The following CCDC171 variants were observed in gnomAD, a reference collection of about 807,000 sequenced individuals.
The protein encoded by CCDC171 is coiled-coil domain-containing protein 171.
A neutral mutation model predicts 168.2 loss-of-function variants in CCDC171; 177 were observed. The ratio of observed to expected loss-of-function variants is 1.05; its 90% CI spans 0.93 to 1.19. CCDC171 has a LOEUF of 1.19. Ranked by LOEUF, CCDC171 falls within the 50% of genes most tolerant of loss-of-function variation. The pLI, the probability that CCDC171 is intolerant of heterozygous loss-of-function variation, is 0.00. For synonymous variants in CCDC171, 687 were observed against 540.8 expected (o/e 1.27, Z -3.75); for missense variants, 1,991 against 1,539.0 (o/e 1.29, Z -4.91).
At chr9:15,757,079 AAAAGATACCTGAAAATGTGG>A (rs1185361491) in intron 18 of CCDC171, among the ~76,000 whole-genome samples, 17 of 152,224 alleles carry the variant, frequency 1.1e-4, no homozygotes, top group African/African-American at 3.6e-4. Context: ...GGCGTTGCTG[AAAAGATACCTGAAAATGTGG>A]AAAGATACCT....
chr9:15,750,864 G>A (rs1396166777), intron 18 of CCDC171, among the ~76,000 whole-genome samples: 2 of 152,088 alleles, frequency 1.3e-5, no homozygotes, highest in African/African-American at 2.4e-5. Flanking sequence ...TTTGAAAAAC[G>A]GCACAAGACA....
intron 25 of CCDC171, among the ~76,000 whole-genome samples, chr9:15,968,257 A>G (rs889341257): frequency 6.6e-6 from 1 of 152,208 alleles, no homozygotes; most frequent in African/African-American, 2.4e-5. Context: ...TTAGATTTAC[A>G]TAAGAGACAG....
At chr9:15,703,240 A>T (rs2051916624) in intron 11 of CCDC171, among the ~76,000 whole-genome samples, 1 of 152,124 alleles carries the variant, frequency 6.6e-6, no homozygotes, top group Non-Finnish European at 1.5e-5. Flanking sequence ...GGCTTAAGAG[A>T]ATGTTGTGGC....
chr9:15,836,929 T>C (rs2060478261), intron 21 of CCDC171, among the ~76,000 whole-genome samples: 1 of 152,244 alleles, frequency 6.6e-6, no homozygotes, highest in Non-Finnish European at 1.5e-5. Flanking sequence ...ACTTATCTTT[T>C]TCATTATATA....
At chr9:15,647,263 G>C (rs1422127237) in intron 7 of CCDC171, among the ~76,000 whole-genome samples, 7 of 151,860 alleles carry the variant, frequency 4.6e-5, no homozygotes, top group Non-Finnish European at 1.0e-4. Context: ...TGTGTAGAGG[G>C]AAATATATAG....
the CCDC171 span, among the ~76,000 whole-genome samples, chr9:16,088,816 C>T: frequency 6.6e-6 from 1 of 152,150 alleles, no homozygotes; most frequent in Non-Finnish European, 1.5e-5. Context: ...TTGCCATCCT[C>T]ATCAAGCTAC....
chr9:15,825,152 C>G (rs1332104509), intron 21 of CCDC171, among the ~76,000 whole-genome samples: 1 of 152,082 alleles, frequency 6.6e-6, no homozygotes, highest in Non-Finnish European at 1.5e-5. Context: ...TTCTAGTTTA[C>G]ACTATTAGAA....
At chr9:16,010,389 A>G (rs1832836418) in intron 3 of CCDC171, among the ~76,000 whole-genome samples, 2 of 152,164 alleles carry the variant, frequency 1.3e-5, no homozygotes, top group African/African-American at 4.8e-5. Context: ...TTGCAGGGAT[A>G]TACGTGCAGA....
At chr9:15,744,802 A>AT (rs1242978680) in intron 17 of CCDC171, 25 bp downstream of exon 17, 3 of 1,596,872 alleles carry the variant, frequency 1.9e-6, no homozygotes, top group Non-Finnish European at 2.6e-6. Context: ...GCTTTTAAAA[A>AT]TATAAGTTGC....
chr9:15,661,285 A>AG (rs1322995526), intron 8 of CCDC171, among the ~76,000 whole-genome samples: 1 of 87,140 alleles, frequency 1.1e-5, no homozygotes, highest in Non-Finnish European at 2.4e-5. Context: ...GTCTCAAAAA[A>AG]AAAAAAAAAA....
chr9:15,907,410 C>T (rs187469479), intron 24 of CCDC171, among the ~76,000 whole-genome samples: 17 of 152,144 alleles, frequency 1.1e-4, no homozygotes, highest in South Asian at 2.1e-4. Flanking sequence ...AATGGGGAAA[C>T]GATTCCCTAT....
At chr9:15,956,698 T>G (rs1158034954) in intron 25 of CCDC171, among the ~76,000 whole-genome samples, 1 of 152,142 alleles carries the variant, frequency 6.6e-6, no homozygotes, top group African/African-American at 2.4e-5. Context: ...CAAACATATA[T>G]TCAAGTACAA....
At chr9:15,699,701 A>G (rs1277014538) in intron 11 of CCDC171, among the ~76,000 whole-genome samples, 1 of 152,098 alleles carries the variant, frequency 6.6e-6, no homozygotes, top group Non-Finnish European at 1.5e-5. Flanking sequence ...CGGGGTACTG[A>G]TTGGTGTGTT....
At chr9:16,076,395 C>A in the CCDC171 span, among the ~76,000 whole-genome samples, 1 of 152,192 alleles carries the variant, frequency 6.6e-6, no homozygotes, top group Non-Finnish European at 1.5e-5. Context: ...TTTGAGTCCT[C>A]CAGATCCAGT....
chr9:15,646,411 T>C (rs1238969857), intron 7 of CCDC171, among the ~76,000 whole-genome samples: 2 of 152,180 alleles, frequency 1.3e-5, no homozygotes, highest in Admixed American at 6.5e-5. Context: ...ATATTAACTT[T>C]AAATGTAAAT....
intron 21 of CCDC171, among the ~76,000 whole-genome samples, chr9:15,824,690 C>G (rs2059940599): frequency 6.6e-6 from 1 of 152,060 alleles, no homozygotes; most frequent in African/African-American, 2.4e-5. Flanking sequence ...ATCCTGCGAA[C>G]TCTTTAAGAA....
intron 7 of CCDC171, among the ~76,000 whole-genome samples, chr9:15,643,489 A>T (rs1391562939): frequency 6.6e-6 from 1 of 152,186 alleles, no homozygotes; most frequent in East Asian, 1.9e-4. Context: ...TTTTTCCACA[A>T]TGAGAATCAG....
At chr9:15,631,513 A>G (rs917101838) in intron 7 of CCDC171, among the ~76,000 whole-genome samples, 3 of 152,206 alleles carry the variant, frequency 2.0e-5, no homozygotes, top group African/African-American at 7.2e-5. Flanking sequence ...CAGGCTCTGA[A>G]ATTGTGGCAA....
At chr9:15,790,775 A>G (rs2058216045) in intron 21 of CCDC171, among the ~76,000 whole-genome samples, 1 of 152,146 alleles carries the variant, frequency 6.6e-6, no homozygotes, top group Non-Finnish European at 1.5e-5. Context: ...ATTTTTGTAT[A>G]AGGTGTAAGG....
Sources: gnomAD v4.1 joint callset for allele counts (sites outside exome capture counted in the v4.1 genomes callset) on GRCh38, gnomAD v4.1.1 for gene constraint, MANE v1.5 for transcripts, NCBI Gene and HGNC (gene_info 2026-07-23, HGNC 2026-07-21) for gene names.